SF3A3: variants seen among roughly 807,000 people sequenced by gnomAD.
The protein encoded by SF3A3 is splicing factor 3a subunit 3, also known as SAP 61.
Under a neutral mutation model 85.8 loss-of-function variants are expected in SF3A3, and 9 were observed. The ratio of observed to expected loss-of-function variants is 0.10; its 90% confidence interval spans 0.06 to 0.18. SF3A3 has a LOEUF of 0.18. Among genes scored for constraint, SF3A3 ranks in the 10% least tolerant of loss-of-function variants. The pLI, the probability that SF3A3 is intolerant of heterozygous loss-of-function variation, is 1.00. For synonymous variants in SF3A3, 195 were observed against 204.4 expected (o/e 0.95, Z 0.39); for missense variants, 306 against 593.3 (o/e 0.52, Z 5.03).
intron 12 of SF3A3, among the ~76,000 whole-genome samples, chr1:37,970,785 A>AAT (rs1278923495): frequency 6.6e-6 from 1 of 152,218 alleles, no homozygotes; most frequent in Non-Finnish European, 1.5e-5. Flanking sequence ...TGAAGGCAGA[A>AAT]ATAAAGTGTT....
At chr1:37,983,867 G>GT (rs1646437583) in intron 6 of SF3A3, among the ~76,000 whole-genome samples, 1 of 151,908 alleles carries the variant, frequency 6.6e-6, no homozygotes, top group South Asian at 2.1e-4. Context: ...GAGCCCAGAA[G>GT]TCGAGGTTGC....
At position 37,983,541 on chromosome 1, in the gene SF3A3, C is replaced by T. The variant is rs575815134; in HGVS notation, c.468+628G>A. On this transcript the variant is annotated intron_variant, in intron 6 of 16. Transcript: ENST00000373019. ...GGTCTAGGCTACAGTGAGCCAAGAT[C>T]GCGCCACTGCACTCCAGCCTGGGTG... 4.0e-3 allele frequency among the ~76,000 whole-genome samples: 503 copies of T among 126,136 alleles called. 3 individuals carry two copies. The highest frequency in any genetic ancestry group is 6.0e-3 in the Non-Finnish European group (388 of 64,272). The allele number at this position is 126,136 out of a possible 152,430, so 82.8% of individuals were successfully genotyped here. A position where few individuals can be genotyped will look rare whatever the true frequency, so the allele number is the denominator to read the frequency against.
At chr1:37,977,598 G>C (rs1646387290) in intron 11 of SF3A3, among the ~76,000 whole-genome samples, 2 of 152,072 alleles carry the variant, frequency 1.3e-5, no homozygotes. Context: ...CACCACTGTG[G>C]GAGGCTGAGG....
intron 15 of SF3A3, among the ~76,000 whole-genome samples, chr1:37,964,732 C>T (rs969523727): frequency 6.6e-6 from 1 of 152,150 alleles, no homozygotes; most frequent in African/African-American, 2.4e-5. Flanking sequence ...GGCGGTGGTC[C>T]TCTATGTGCT....
intron 12 of SF3A3, among the ~76,000 whole-genome samples, chr1:37,974,371 C>T (rs1292017251): frequency 6.9e-6 from 1 of 145,376 alleles, no homozygotes; most frequent in African/African-American, 2.6e-5. Flanking sequence ...GGCGCAATCT[C>T]GGCTCACTGC....
Position 37,989,917 on chromosome 1 carries a change from G to C in SF3A3, c.49C>G (p.Arg17Gly). 1 of 1,613,610 alleles carries C rather than the reference G, an allele frequency of 6.2e-7. No individual in the cohort carries two copies. The highest frequency in any genetic ancestry group is 8.5e-7 in the Non-Finnish European group (1 of 1,179,898). Reference protein sequence around the residue: ...QQRRYHEEKERLMDVMAKEML... With the variant: ...QQRRYHEEKEGLMDVMAKEML... ...TCTTTAGCCATGACGTCCATGAGCC[G>C]TTCCTTCTCCTCATGATAGCGCCGC... The change falls in exon 1 of 17, where the codon CGG becomes GGG. Residue 17 changes from arginine (R) to glycine (G), a missense_variant. Transcript: ENST00000373019.
At chr1:37,976,768 T>C in intron 12 of SF3A3, 116 bp downstream of exon 12, 1 of 726,822 alleles carries the variant, frequency 1.4e-6, no homozygotes. Context: ...GCCATACTAG[T>C]TTATCAGCTA....
intron 12 of SF3A3, 101 bp downstream of exon 12, chr1:37,976,783 C>T (rs2148720896): frequency 2.5e-6 from 2 of 788,862 alleles, no homozygotes; most frequent in East Asian, 4.9e-5. Context: ...CAGCTATCCA[C>T]TCCTCTTTTG....
At chr1:37,978,866 T>A in intron 10 of SF3A3, 39 bp from the exon 11 acceptor site, 1 of 1,568,446 alleles carries the variant, frequency 6.4e-7, no homozygotes, top group Non-Finnish European at 8.7e-7. Flanking sequence ...AGGGTTACTT[T>A]ACCACACAGG....
chr1:37,967,506 T>C (rs1465037025), intron 15 of SF3A3, among the ~76,000 whole-genome samples: 9 of 151,386 alleles, frequency 5.9e-5, no homozygotes, highest in East Asian at 5.9e-4. Flanking sequence ...TGTGAAACCC[T>C]GTCTCTACTA....
chr1:37,967,965 C>T (rs1217706940), intron 15 of SF3A3, 79 bp downstream of exon 15: 2 of 814,560 alleles, frequency 2.5e-6, no homozygotes, highest in Non-Finnish European at 2.2e-6. Flanking sequence ...ACCCTGGATA[C>T]ACAGGGTATT....
At chr1:37,965,927 G>T (rs145232145) in intron 15 of SF3A3, among the ~76,000 whole-genome samples, 1 of 152,178 alleles carries the variant, frequency 6.6e-6, no homozygotes, top group African/African-American at 2.4e-5. Flanking sequence ...CGGGATGGGC[G>T]CGGTGGCTAA....
chr1:37,979,273 T>C, intron 9 of SF3A3, 192 bp downstream of exon 9: 1 of 621,242 alleles, frequency 1.6e-6, no homozygotes, highest in Non-Finnish European at 2.9e-6. Context: ...CGGCTTAATG[T>C]AGTTAGAATA....
chr1:37,982,662 G>A (rs768935626), intron 6 of SF3A3, among the ~76,000 whole-genome samples: 5 of 152,038 alleles, frequency 3.3e-5, no homozygotes, highest in African/African-American at 4.8e-5. Context: ...GTGAGCCACC[G>A]CGCCCGGCCT....
chr1:37,969,305 C>G, intron 14 of SF3A3, 49 bp downstream of exon 14: 1 of 1,375,714 alleles, frequency 7.3e-7, no homozygotes, highest in Non-Finnish European at 1.0e-6. Flanking sequence ...CTCTAAAAGT[C>G]TCATGTTTTT....
At chr1:37,971,472 T>G (rs1042743710) in intron 12 of SF3A3, among the ~76,000 whole-genome samples, 1 of 152,022 alleles carries the variant, frequency 6.6e-6, no homozygotes, top group African/African-American at 2.4e-5. Context: ...TTCTAATCAA[T>G]AGGAAAAGAG....
intron 12 of SF3A3, among the ~76,000 whole-genome samples, chr1:37,976,188 C>T (rs928744975): frequency 6.6e-6 from 1 of 150,844 alleles, no homozygotes; most frequent in Non-Finnish European, 1.5e-5. Context: ...ACAGCAGACA[C>T]AATCAGAAAG....
chr1:37,981,816 A>G lies in SF3A3; in HGVS notation c.469-5T>C. The G allele has an allele frequency of 6.6e-7, 1 of 1,521,376 alleles. No individual in the cohort carries two copies. 94.2% of individuals were successfully genotyped at this position (1,521,376 alleles called of 1,614,324 possible). ...GTATGTGATATAATCCAGCTTCTGAAAAGAGGAAAGAAATGACAAGAAATT... is the reference window on the plus strand; with the variant it reads ...GTATGTGATATAATCCAGCTTCTGAGAAGAGGAAAGAAATGACAAGAAATT... On this transcript the variant is annotated splice_polypyrimidine_tract_variant and splice_region_variant and intron_variant, in intron 6 of 16. Coordinates refer to ENST00000373019, the MANE Select transcript of SF3A3 (RefSeq NM_006802.4).
Position 37,957,803 on chromosome 1 carries a change from A to G in SF3A3, c.*383T>C, listed in dbSNP as rs1354238994. On this transcript the variant is annotated 3_prime_UTR_variant, in exon 17 of 17. Coordinates refer to ENST00000373019, the MANE Select transcript of SF3A3 (RefSeq NM_006802.4). Reference sequence around the variant, plus strand: ...ATACTCATTCAGGGAAGCAGCAACAAAGGAGGGTGGGGAAAGAGGTCAGGT... The same window carrying G: ...ATACTCATTCAGGGAAGCAGCAACAGAGGAGGGTGGGGAAAGAGGTCAGGT... 5.8e-6 allele frequency: 1 copy of G among 172,830 alleles called. No individual in the cohort carries two copies. Among genetic ancestry groups the G allele is most frequent in the Non-Finnish European group, 1.2e-5 (1 of 81,430 alleles). The allele number at this position is 172,830 out of a possible 1,614,324, so 10.7% of individuals were successfully genotyped here. A position where few individuals can be genotyped will look rare whatever the true frequency, so the allele number is the denominator to read the frequency against.
Sources: allele counts gnomAD v4.1 joint callset (sites outside exome capture counted in the v4.1 genomes callset), GRCh38; gene constraint gnomAD v4.1.1; transcripts MANE v1.5; gene names NCBI Gene and HGNC (gene_info 2026-07-23, HGNC 2026-07-21).